MOXD1: variants seen among roughly 807,000 people sequenced by gnomAD.
MOXD1 encodes the protein monooxygenase DBH like 1.
In MOXD1, 62 loss-of-function variants were observed where a neutral mutation model predicts 66.6. That is an observed-to-expected ratio of 0.93 (90% CI 0.76 to 1.15). MOXD1 has a LOEUF of 1.15. Among genes scored for constraint, MOXD1 ranks in the 50% most tolerant of loss-of-function variants. MOXD1 has a pLI of 0.00. For missense variants in MOXD1, 847 were observed against 754.6 expected, an observed-to-expected ratio of 1.12 and a Z score of -1.44; for synonymous variants, 303 against 281.9, an observed-to-expected ratio of 1.07 and a Z score of -0.75.
At chr6:132,363,224 A>C (rs1415482002) in intron 4 of MOXD1, among the ~76,000 whole-genome samples, 12 of 74,992 alleles carry the variant, frequency 1.6e-4, no homozygotes, top group African/African-American at 1.5e-3. Flanking sequence ...ATAAAAAACA[A>C]AAAAAAAAAA....
intron 1 of MOXD1, among the ~76,000 whole-genome samples, chr6:132,375,623 T>C (rs575363638): frequency 3.9e-5 from 6 of 152,252 alleles, no homozygotes; most frequent in East Asian, 3.9e-4. Context: ...GGTTTCACCA[T>C]GTTAGCCAGG....
intron 4 of MOXD1, among the ~76,000 whole-genome samples, chr6:132,328,868 A>G (rs1051624169): frequency 2.0e-5 from 3 of 152,022 alleles, no homozygotes; most frequent in Non-Finnish European, 4.4e-5. Context: ...TTGTTAATTC[A>G]CTGTCCTGTC....
rs781122762 is a variant in MOXD1 at position 132,328,057 on chromosome 6, T to C, written c.902A>G (p.Tyr301Cys). 2 of 1,613,958 alleles carry C rather than the reference T, an allele frequency of 1.2e-6. No homozygotes were observed. Among genetic ancestry groups the C allele is most frequent in the South Asian group, 2.2e-5 (2 of 91,078 alleles). ...ATCATAATGGACTTCTAGGAGCACA[T>C]AATGCGGATCTAATGGAGTGCCAAG... ...LSLGTPLDPHYVLLEVHYDNP... is the reference protein window; with the variant it reads ...LSLGTPLDPHCVLLEVHYDNP... The change falls in exon 6 of 12, where the codon TAT becomes TGT. Residue 301 changes from tyrosine to cysteine, a missense_variant. Physicochemically the swap from Tyr to Cys is radical, Grantham distance 194. Coordinates refer to ENST00000367963, the MANE Select transcript of MOXD1 (RefSeq NM_015529.4).
intron 4 of MOXD1, among the ~76,000 whole-genome samples, chr6:132,370,578 G>A (rs1776244489): frequency 6.6e-6 from 1 of 152,000 alleles, no homozygotes; most frequent in Non-Finnish European, 1.5e-5. Flanking sequence ...CATAATAATA[G>A]GATTTTAAAT....
intron 4 of MOXD1, among the ~76,000 whole-genome samples, chr6:132,360,801 G>C (rs2114641473): frequency 6.6e-6 from 1 of 152,314 alleles, no homozygotes; most frequent in South Asian, 2.1e-4. Flanking sequence ...ACACTCACTA[G>C]ATACTCTGAT....
chr6:132,326,613 G>A (rs1228997772), intron 6 of MOXD1, among the ~76,000 whole-genome samples: 1 of 151,920 alleles, frequency 6.6e-6, no homozygotes, highest in Non-Finnish European at 1.5e-5. Context: ...ATGTTTTATA[G>A]TCACATATGA....
chr6:132,349,396 C>CATATATATACATATATATATATACATAT (rs1476873091), intron 4 of MOXD1, among the ~76,000 whole-genome samples: 3 of 41,358 alleles, frequency 7.3e-5, no homozygotes, highest in East Asian at 1.5e-3. Flanking sequence ...TATATATACA[C>CATATATATACATATATATATATACATAT]ATATATATAC....
chr6:132,298,861 G>A (rs1774468217), intron 10 of MOXD1, among the ~76,000 whole-genome samples: 1 of 152,130 alleles, frequency 6.6e-6, no homozygotes, highest in Non-Finnish European at 1.5e-5. Flanking sequence ...GAAGCAGTTT[G>A]TAGATTTCTC....
At chr6:132,397,632 G>C (rs868739613) in intron 1 of MOXD1, among the ~76,000 whole-genome samples, 83 of 109,140 alleles carry the variant, frequency 7.6e-4, no homozygotes, top group African/African-American at 2.3e-3. Context: ...GAGAGAGAGA[G>C]AGACAGAAAG....
chr6:132,361,972 T>G (rs1159085597), intron 4 of MOXD1, among the ~76,000 whole-genome samples: 1 of 152,140 alleles, frequency 6.6e-6, no homozygotes, highest in Non-Finnish European at 1.5e-5. Flanking sequence ...TTTATAAACT[T>G]GAATATAAAA....
intron 4 of MOXD1, among the ~76,000 whole-genome samples, chr6:132,330,165 G>A (rs765038547): frequency 2.0e-5 from 3 of 152,126 alleles, no homozygotes; most frequent in Non-Finnish European, 4.4e-5. Context: ...TTAGAGCAGG[G>A]GTCCCCAATC....
At chr6:132,394,213 C>A (rs1371164432) in intron 1 of MOXD1, among the ~76,000 whole-genome samples, 1 of 152,174 alleles carries the variant, frequency 6.6e-6, no homozygotes, top group African/African-American at 2.4e-5. Context: ...ACACTGTTTA[C>A]AGCTGGAAAA....
In MOXD1 at chr6:132,349,406, CATATAT is replaced by C. The variant is rs539329852; in HGVS notation, c.664-20818_664-20813del. On this transcript the variant is annotated intron_variant, in intron 4 of 11. Coordinates refer to ENST00000367963, the MANE Select transcript of MOXD1 (RefSeq NM_015529.4). ...GTATATATATATACACATATATATA[CATATAT>C]ATATATATACATATATATATATACA... Among the ~76,000 whole-genome samples the C allele has an allele frequency of 3.5e-3, 253 of 72,026 alleles. 19 individuals carry two copies. The highest frequency in any genetic ancestry group is 7.2e-3 in the East Asian group (12 of 1,674). 47.3% of individuals were successfully genotyped at this position (72,026 alleles called of 152,430 possible). A position where few individuals can be genotyped will look rare whatever the true frequency, so the allele number is the denominator to read the frequency against.
chr6:132,379,191 T>C (rs1452196302), intron 1 of MOXD1, among the ~76,000 whole-genome samples: 3 of 152,022 alleles, frequency 2.0e-5, no homozygotes, highest in Non-Finnish European at 4.4e-5. Context: ...AGCATGATCA[T>C]GCAGAGTTGT....
intron 1 of MOXD1, among the ~76,000 whole-genome samples, chr6:132,394,964 C>T (rs1269605128): frequency 6.6e-6 from 1 of 152,102 alleles, no homozygotes; most frequent in Non-Finnish European, 1.5e-5. Context: ...TCAAAGTTCT[C>T]CATATAGATA....
intron 4 of MOXD1, among the ~76,000 whole-genome samples, chr6:132,344,165 A>G (rs373202092): frequency 3.9e-5 from 6 of 152,320 alleles, no homozygotes; most frequent in Admixed American, 3.3e-4. Context: ...TCACTTTACA[A>G]TCTTTTATAT....
At chr6:132,392,404 C>A in intron 1 of MOXD1, 1 of 1,438,094 alleles carries the variant, frequency 7.0e-7, no homozygotes. Flanking sequence ...GCATATTCAA[C>A]AACGTTGCTC....
chr6:132,392,668 T>A (rs768186664), intron 1 of MOXD1, among the ~76,000 whole-genome samples: 1 of 152,194 alleles, frequency 6.6e-6, no homozygotes, highest in African/African-American at 2.4e-5. Context: ...CTGTGAAAGA[T>A]GGTGTAGAAA....
chr6:132,380,899 A>G (rs1776495307), intron 1 of MOXD1, among the ~76,000 whole-genome samples: 1 of 152,078 alleles, frequency 6.6e-6, no homozygotes, highest in African/African-American at 2.4e-5. Flanking sequence ...TGTTGTTGTG[A>G]CCTTTTAGCC....
Sources: gnomAD v4.1 joint callset for allele counts (sites outside exome capture counted in the v4.1 genomes callset) on GRCh38, gnomAD v4.1.1 for gene constraint, MANE v1.5 for transcripts, NCBI Gene and HGNC (gene_info 2026-07-23, HGNC 2026-07-21) for gene names.